Variants in NUDT9 observed in about 807,000 individuals in gnomAD.
NUDT9 encodes the protein ADP-ribose pyrophosphatase.
A neutral mutation model predicts 41.0 loss-of-function variants in NUDT9; 31 were observed. The ratio of observed to expected loss-of-function variants is 0.76; its 90% CI spans 0.57 to 1.02. The LOEUF is 1.02. Ranked by LOEUF, NUDT9 falls within the 50% of genes least tolerant of loss-of-function variation. NUDT9 has a pLI of 0.00. For missense variants in NUDT9, 380 were observed against 431.4 expected (o/e 0.88, Z 1.06); for synonymous variants, 146 against 147.6 (o/e 0.99, Z 0.08).
At chr4:87,431,096 AC>A (rs1309463276) in intron 1 of NUDT9, among the ~76,000 whole-genome samples, 1 of 152,154 alleles carries the variant, frequency 6.6e-6, no homozygotes, top group Non-Finnish European at 1.5e-5. Context: ...TCTTTGACCC[AC>A]TTTTAATTAA....
chr4:87,442,205 G>T (rs904920154), intron 4 of NUDT9, among the ~76,000 whole-genome samples: 1 of 152,184 alleles, frequency 6.6e-6, no homozygotes, highest in Non-Finnish European at 1.5e-5. Context: ...ATATGCTATA[G>T]CCTATTGCTC....
At chr4:87,456,155 A>T (rs1722982796) in intron 7 of NUDT9, among the ~76,000 whole-genome samples, 1 of 152,168 alleles carries the variant, frequency 6.6e-6, no homozygotes, top group Non-Finnish European at 1.5e-5. Context: ...TGAGGTCTGA[A>T]GCATGCCCTT....
intron 1 of NUDT9, among the ~76,000 whole-genome samples, chr4:87,433,520 G>T (rs182490166): frequency 4.1e-4 from 62 of 152,274 alleles, no homozygotes; most frequent in African/African-American, 1.5e-3. Context: ...TGTTGACTTA[G>T]TCCACAACCT....
chr4:87,432,768 G>GT (rs80311091), intron 1 of NUDT9, among the ~76,000 whole-genome samples: 17,752 of 145,344 alleles, frequency 0.12, 1,318 homozygotes, highest in East Asian at 0.3. Flanking sequence ...AGAAGATTGT[G>GT]TTTTTTTTTT....
chr4:87,454,546 A>G, intron 7 of NUDT9, 91 bp downstream of exon 7: 1 of 832,542 alleles, frequency 1.2e-6, no homozygotes. Flanking sequence ...ACTATTTAGC[A>G]TCTTAAACCA....
At chr4:87,447,645 A>ATTG (rs1722519849) in intron 4 of NUDT9, among the ~76,000 whole-genome samples, 1 of 152,154 alleles carries the variant, frequency 6.6e-6, no homozygotes, top group Non-Finnish European at 1.5e-5. Flanking sequence ...TGAAACTAAC[A>ATTG]TTGCCTTGAT....
chr4:87,456,688 GGC>G (rs1193254209), intron 7 of NUDT9, among the ~76,000 whole-genome samples: 1 of 152,124 alleles, frequency 6.6e-6, no homozygotes, highest in Non-Finnish European at 1.5e-5. Context: ...TCCAGCGGTA[GGC>G]TTCTCTCCCT....
At chr4:87,455,658 CTTT>C (rs535251267) in intron 7 of NUDT9, among the ~76,000 whole-genome samples, 19 of 130,342 alleles carry the variant, frequency 1.5e-4, no homozygotes, top group Non-Finnish European at 2.2e-4. Flanking sequence ...TTTCTTTTTT[CTTT>C]TTTTTTTTTT....
chr4:87,427,344 A>G lies in NUDT9; in HGVS notation c.107+4332A>G, dbSNP rs141729854. Among the ~76,000 whole-genome samples, 8 of 152,278 alleles carry G rather than the reference A, an allele frequency of 5.3e-5. No individual in the cohort carries two copies. The East Asian group carries it at 1.5e-3, about 29-fold the overall frequency. ...CTTAAGAATTGGTTTTTGCCATGTA[A>G]ATGGACTTTATCAGCTACTTAGTTC... On this transcript the variant is annotated intron_variant, in intron 1 of 7. Transcript: ENST00000302174.
intron 1 of NUDT9, among the ~76,000 whole-genome samples, chr4:87,431,050 T>C (rs1180785546): frequency 6.6e-6 from 1 of 152,222 alleles, no homozygotes; most frequent in Non-Finnish European, 1.5e-5. Context: ...CATGTGTTCC[T>C]CTAAGATTTT....
intron 1 of NUDT9, among the ~76,000 whole-genome samples, chr4:87,427,870 G>T (rs7673763): frequency 0.16 from 24,581 of 152,122 alleles, 2,079 homozygotes; most frequent in East Asian, 0.23. Flanking sequence ...TAAAACACCT[G>T]AAGTCTGTTT....
intron 4 of NUDT9, among the ~76,000 whole-genome samples, chr4:87,446,988 C>A (rs114949811): frequency 2.0e-5 from 3 of 152,082 alleles, no homozygotes; most frequent in Non-Finnish European, 4.4e-5. Context: ...AGTGAGCTTT[C>A]TAAAATACAA....
intron 6 of NUDT9, among the ~76,000 whole-genome samples, chr4:87,453,984 C>G (rs566083119): frequency 6.6e-6 from 1 of 150,820 alleles, no homozygotes; most frequent in African/African-American, 2.4e-5. Flanking sequence ...CTTAGCCTCC[C>G]GAGTAGCCGG....
At chr4:87,441,002 A>C (rs1279002057) in intron 3 of NUDT9, among the ~76,000 whole-genome samples, 1 of 152,156 alleles carries the variant, frequency 6.6e-6, no homozygotes, top group African/African-American at 2.4e-5. Flanking sequence ...CTAGTACAAA[A>C]ACAATATAAA....
rs768365229 is a variant in NUDT9 at position 87,422,950 on chromosome 4, C to T, written c.45C>T (p.Leu15=). 6.2e-6 allele frequency: 10 copies of T among 1,612,976 alleles called. No individual in the cohort carries two copies. The highest frequency in any genetic ancestry group is 7.6e-6 in the Non-Finnish European group (9 of 1,179,792). ...LLGKALAAVS[L]SLALASVTIR... is the part of the protein sequence containing the mutation. ...GAAAGGCTTTAGCCGCGGTGTCTCT[C>T]TCTCTGGCCTTGGCCTCTGTGACTA... Residue 15 remains leucine, a synonymous_variant, in exon 1 of 8, where the codon CTC becomes CTT. Coordinates refer to ENST00000302174, the MANE Select transcript of NUDT9 (RefSeq NM_024047.5).
At chr4:87,435,593 A>C (rs901943692) in intron 2 of NUDT9, among the ~76,000 whole-genome samples, 1 of 152,204 alleles carries the variant, frequency 6.6e-6, no homozygotes, top group African/African-American at 2.4e-5. Flanking sequence ...TTATTTTCCA[A>C]CATAGCTAGA....
At chr4:87,454,547 T>C (rs1185913742) in intron 7 of NUDT9, 92 bp downstream of exon 7, 6 of 832,674 alleles carry the variant, frequency 7.2e-6, no homozygotes, top group Non-Finnish European at 1.2e-5. Flanking sequence ...CTATTTAGCA[T>C]CTTAAACCAA....
chr4:87,456,162 C>T (rs1473967683), intron 7 of NUDT9, among the ~76,000 whole-genome samples: 2 of 152,058 alleles, frequency 1.3e-5, no homozygotes, highest in Admixed American at 1.3e-4. Context: ...TGAAGCATGC[C>T]CTTCTTTCAG....
chr4:87,422,838 G>A lies in NUDT9; in HGVS notation c.-68G>A, dbSNP rs1028659010. On this transcript the variant is annotated 5_prime_UTR_variant, in exon 1 of 8. Coordinates refer to ENST00000302174, the MANE Select transcript of NUDT9 (RefSeq NM_024047.5). The stretch of plus-strand genomic sequence containing the variant: ...ACCCGCGGCCGGGACTCGGAGCTGT[G>A]GGGTGTGGGGAGGCGGAGGCACCAA... 8 of 1,242,600 alleles carry A rather than the reference G, an allele frequency of 6.4e-6. No individual in the cohort carries two copies. The highest frequency in any genetic ancestry group is 9.2e-6 in the Non-Finnish European group (8 of 869,534). 77.0% of individuals were successfully genotyped at this position (1,242,600 alleles called of 1,614,324 possible).
Sources: gnomAD v4.1 joint callset for allele counts (sites outside exome capture counted in the v4.1 genomes callset) on GRCh38, gnomAD v4.1.1 for gene constraint, MANE v1.5 for transcripts, NCBI Gene and HGNC (gene_info 2026-07-23, HGNC 2026-07-21) for gene names.